The following LIX1 variants were observed in gnomAD, a reference collection of about 807,000 sequenced individuals.
LIX1 encodes limb and CNS expressed 1, also known as protein limb expression 1 homolog.
A neutral mutation model predicts 33.4 loss-of-function variants in LIX1; 24 were observed. The observed-to-expected ratio is 0.72, with a 90% CI of 0.52 to 1.01. LIX1 has a LOEUF of 1.01. Ranked by LOEUF, LIX1 falls within the 50% of genes least tolerant of loss-of-function variation. The pLI is 0.00. For missense variants in LIX1, 311 were observed against 339.2 expected (o/e 0.92, Z 0.65); for synonymous variants, 124 against 124.0 (o/e 1.00, Z 0.00).
At chr5:97,128,894 C>T (rs1747992308) in intron 1 of LIX1, among the ~76,000 whole-genome samples, 1 of 152,192 alleles carries the variant, frequency 6.6e-6, no homozygotes, top group Non-Finnish European at 1.5e-5. Flanking sequence ...CTGACTCCAA[C>T]CAGCCTCCCA....
intron 4 of LIX1, among the ~76,000 whole-genome samples, chr5:97,104,296 C>T (rs1383062111): frequency 6.6e-6 from 1 of 152,174 alleles, no homozygotes; most frequent in Non-Finnish European, 1.5e-5. Context: ...GGTGAAGTCT[C>T]TTTATTATAT....
intron 1 of LIX1, among the ~76,000 whole-genome samples, chr5:97,138,021 G>T (rs556359114): frequency 6.6e-6 from 1 of 152,122 alleles, no homozygotes. Context: ...GGCAAAAAAC[G>T]TACTCTTTGA....
intron 5 of LIX1, among the ~76,000 whole-genome samples, chr5:97,096,380 G>A (rs1483859760): frequency 2.0e-5 from 3 of 152,174 alleles, no homozygotes; most frequent in Admixed American, 2.0e-4. Flanking sequence ...ACTTTTGGCA[G>A]GAATGGGAAA....
chr5:97,118,549 G>T (rs567562844), intron 2 of LIX1, among the ~76,000 whole-genome samples: 13 of 152,184 alleles, frequency 8.5e-5, no homozygotes, highest in Middle Eastern at 3.4e-3. Context: ...TATGTGGCTA[G>T]GGAAGGATTA....
chr5:97,124,264 G>A (rs1157174800), intron 2 of LIX1, among the ~76,000 whole-genome samples: 1 of 152,152 alleles, frequency 6.6e-6, no homozygotes, highest in Non-Finnish European at 1.5e-5. Flanking sequence ...ATTGAAAATT[G>A]AGGGATAATT....
chr5:97,124,702 CA>C, intron 1 of LIX1, 73 bp from the exon 2 acceptor site: 1 of 1,328,992 alleles, frequency 7.5e-7, no homozygotes, highest in Non-Finnish European at 1.0e-6. Flanking sequence ...ATTTTATTTG[CA>C]AGCTGGATTC....
chr5:97,114,281 T>C (rs190279077), intron 2 of LIX1, among the ~76,000 whole-genome samples: 18 of 152,312 alleles, frequency 1.2e-4, no homozygotes, highest in Admixed American at 1.0e-3. Context: ...GGAAGATCAC[T>C]TGAACTTAGG....
intron 2 of LIX1, among the ~76,000 whole-genome samples, chr5:97,110,802 A>C (rs1747347045): frequency 6.6e-6 from 1 of 152,030 alleles, no homozygotes; most frequent in Admixed American, 6.6e-5. Context: ...TTCCAAAATG[A>C]GTGTGGAAAG....
At chr5:97,133,865 G>T (rs1177446782) in intron 1 of LIX1, among the ~76,000 whole-genome samples, 4 of 152,134 alleles carry the variant, frequency 2.6e-5, no homozygotes, top group Non-Finnish European at 5.9e-5. Flanking sequence ...CTTCAGGAAA[G>T]TAGAAACCAT....
chr5:97,123,301 G>C (rs1203152307), intron 2 of LIX1, among the ~76,000 whole-genome samples: 2 of 152,090 alleles, frequency 1.3e-5, no homozygotes, highest in African/African-American at 2.4e-5. Flanking sequence ...GGCGATTGCT[G>C]TTCTCTGTTT....
rs1202024027 is a variant in LIX1 at position 97,092,402 on chromosome 5, A to G, written c.*2346T>C. On this transcript the variant is annotated 3_prime_UTR_variant, in exon 6 of 6. Coordinates refer to ENST00000274382, the MANE Select transcript of LIX1 (RefSeq NM_153234.5). ...AGAACAAGATATAGAAAAGGAAAAA[A>G]AAAATCTGCTTTGCTCTTCAACCCT... 1 of 152,322 alleles carries G rather than the reference A, an allele frequency of 6.6e-6. No homozygotes were observed. The highest frequency in any genetic ancestry group is 6.5e-5 in the Admixed American group (1 of 15,284). The allele number at this position is 152,322 out of a possible 1,614,324, so 9.4% of individuals were successfully genotyped here. A position where few individuals can be genotyped will look rare whatever the true frequency, so the allele number is the denominator to read the frequency against.
chr5:97,098,998 C>T (rs752490713), intron 4 of LIX1, among the ~76,000 whole-genome samples: 1 of 152,182 alleles, frequency 6.6e-6, no homozygotes. Flanking sequence ...AGCCCACAGA[C>T]ACCTCAGTAA....
At chr5:97,124,060 A>G (rs1281967505) in intron 2 of LIX1, among the ~76,000 whole-genome samples, 2 of 152,232 alleles carry the variant, frequency 1.3e-5, no homozygotes, top group Admixed American at 6.5e-5. Flanking sequence ...AAGGGAGAGT[A>G]AAGGTTAAAA....
At chr5:97,126,224 T>G (rs1213502587) in intron 1 of LIX1, among the ~76,000 whole-genome samples, 2 of 152,264 alleles carry the variant, frequency 1.3e-5, no homozygotes, top group South Asian at 4.1e-4. Flanking sequence ...CCCTTTGCCA[T>G]TATCCTGAAT....
At chr5:97,111,370 G>A (rs959595468) in intron 2 of LIX1, among the ~76,000 whole-genome samples, 1 of 152,054 alleles carries the variant, frequency 6.6e-6, no homozygotes, top group African/African-American at 2.4e-5. Flanking sequence ...ACCGTCTATG[G>A]TATGTGTAAC....
intron 1 of LIX1, among the ~76,000 whole-genome samples, chr5:97,127,469 T>C (rs1267281051): frequency 6.6e-6 from 1 of 152,306 alleles, no homozygotes; most frequent in East Asian, 1.9e-4. Flanking sequence ...GCAATATATA[T>C]ACATACAGAC....
chr5:97,094,272 T>G lies in LIX1; in HGVS notation c.*476A>C, dbSNP rs1746224883. ...AAACTATTGCTTAGCTTACAAAGCT[T>G]AGAAAGAGACTCTGATCCTTGGATA... On this transcript the variant is annotated 3_prime_UTR_variant, in exon 6 of 6. Coordinates refer to ENST00000274382, the MANE Select transcript of LIX1 (RefSeq NM_153234.5). 1 of 157,714 alleles carries G rather than the reference T, an allele frequency of 6.3e-6. No homozygotes were observed. Among genetic ancestry groups the G allele is most frequent in the Non-Finnish European group, 1.4e-5 (1 of 71,162 alleles). 9.8% of individuals were successfully genotyped at this position (157,714 alleles called of 1,614,324 possible).
chr5:97,136,752 A>C (rs1748180901), intron 1 of LIX1, among the ~76,000 whole-genome samples: 1 of 152,238 alleles, frequency 6.6e-6, no homozygotes, highest in South Asian at 2.1e-4. Context: ...AGGAAAAAAA[A>C]ACCGAAACCA....
chr5:97,109,369 TCAG>T (rs1373509508), intron 2 of LIX1, among the ~76,000 whole-genome samples: 2 of 152,048 alleles, frequency 1.3e-5, no homozygotes, highest in African/African-American at 4.8e-5. Context: ...TCCTCCCACC[TCAG>T]CCTCCTGAGT....
Sources: gnomAD v4.1 joint callset for allele counts (sites outside exome capture counted in the v4.1 genomes callset) on GRCh38, gnomAD v4.1.1 for gene constraint, MANE v1.5 for transcripts, NCBI Gene and HGNC (gene_info 2026-07-23, HGNC 2026-07-21) for gene names.